UTP4: variants seen among roughly 807,000 people sequenced by gnomAD.
UTP4 encodes the protein U3 small nucleolar RNA-associated protein 4 homolog.
Under a neutral mutation model 82.4 loss-of-function variants are expected in UTP4, and 45 were observed. That is an observed-to-expected ratio of 0.55 (90% CI 0.43 to 0.70). The LOEUF (loss-of-function observed/expected upper bound fraction) is 0.70, where lower values mean the gene tolerates loss of function less well. Among genes scored for constraint, UTP4 ranks in the 30% least tolerant of loss-of-function variants. The pLI is 0.00. For missense variants in UTP4, 819 were observed against 858.3 expected (o/e 0.95, Z 0.57); for synonymous variants, 348 against 300.3 (o/e 1.16, Z -1.64).
intron 16 of UTP4, chr16:69,167,729 T>A (rs1963735524): frequency 6.3e-6 from 1 of 158,062 alleles, no homozygotes; most frequent in African/African-American, 2.4e-5. Flanking sequence ...GCTTGCCAGT[T>A]GTCAGTTGCC....
In UTP4 at chr16:69,167,121, C is replaced by A. The variant is rs780033276; in HGVS notation, c.1880C>A (p.Thr627Lys). 6.2e-7 allele frequency: 1 copy of A among 1,613,984 alleles called. No individual in the cohort carries two copies. Among genetic ancestry groups the A allele is most frequent in the Admixed American group, 1.7e-5 (1 of 60,002 alleles). Residue 627 changes from threonine (T) to lysine (K), a missense_variant, in exon 16 of 17, where the codon ACG becomes AAG. Transcript: ENST00000314423. ...TTACTCTACAATCCATTTCCTCCCACGAATGAATCAGATGTCATCCGGAGG... is the reference window on the plus strand; with the variant it reads ...TTACTCTACAATCCATTTCCTCCCAAGAATGAATCAGATGTCATCCGGAGG... ...KTLLYNPFPP[T>K]NESDVIRRRT...
At position 69,163,121 on chromosome 16, in the gene UTP4, T is replaced by C. The variant is rs753481308; in HGVS notation, c.1590T>C (p.Thr530=). The part of the protein sequence containing the change: ...CTVPAYNFPV[T]AMAIAPNTNN... ...TGCCTGCTTACAATTTCCCAGTGACTGCTATGGCTATTGCCCCCAATACCA... is the reference window on the plus strand; with the variant it reads ...TGCCTGCTTACAATTTCCCAGTGACCGCTATGGCTATTGCCCCCAATACCA... The change falls in exon 14 of 17, where the codon ACT becomes ACC. Residue 530 remains threonine, a synonymous_variant. Coordinates refer to ENST00000314423, the MANE Select transcript of UTP4 (RefSeq NM_032830.3). 5.6e-6 allele frequency: 9 copies of C among 1,614,188 alleles called. No individual in the cohort carries two copies. In the South Asian group the frequency reaches 9.9e-5, roughly 18 times the overall value.
Position 69,150,861 on chromosome 16 carries a change from T to G in UTP4, c.959T>G (p.Val320Gly). The change falls in exon 8 of 17, where the codon GTA becomes GGA. Residue 320 changes from valine to glycine, a missense_variant. By Grantham distance (109) the Val-to-Gly change is moderately radical. Coordinates refer to ENST00000314423, the MANE Select transcript of UTP4 (RefSeq NM_032830.3). The part of the protein sequence containing the change: ...VFRPLMEKVE[V>G]KNYDAALRKI... Reference sequence around the variant, plus strand: ...CGTCCTCTCATGGAGAAGGTGGAAGTAAAGAATTACGATGCCGCTCTCCGA... The same window carrying G: ...CGTCCTCTCATGGAGAAGGTGGAAGGAAAGAATTACGATGCCGCTCTCCGA... 1.2e-6 allele frequency: 2 copies of G among 1,614,048 alleles called. No homozygotes were observed. The highest frequency in any genetic ancestry group is 1.7e-6 in the Non-Finnish European group (2 of 1,180,010).
chr16:69,141,430 T>C (rs895965739), intron 5 of UTP4, among the ~76,000 whole-genome samples: 2 of 152,240 alleles, frequency 1.3e-5, no homozygotes, highest in South Asian at 4.1e-4. Context: ...CCTCGTATTA[T>C]TAGCAAGTAA....
At chr16:69,141,322 T>G (rs755935349) in intron 5 of UTP4, among the ~76,000 whole-genome samples, 3 of 152,236 alleles carry the variant, frequency 2.0e-5, no homozygotes, top group East Asian at 3.8e-4. Flanking sequence ...TGGTTTACCC[T>G]TTGGTGGATC....
intron 2 of UTP4, among the ~76,000 whole-genome samples, chr16:69,134,790 C>T (rs1962768617): frequency 6.7e-6 from 1 of 148,986 alleles, no homozygotes; most frequent in Non-Finnish European, 1.5e-5. Context: ...GCAACCTCTG[C>T]CTCCCTCTCC....
chr16:69,142,561 T>C (rs1012122872), intron 5 of UTP4, among the ~76,000 whole-genome samples: 4 of 152,146 alleles, frequency 2.6e-5, no homozygotes, highest in African/African-American at 9.7e-5. Flanking sequence ...TTCTAGAATA[T>C]CTGGGGTCCC....
At chr16:69,137,428 A>G (rs1962838838) in intron 3 of UTP4, among the ~76,000 whole-genome samples, 1 of 152,200 alleles carries the variant, frequency 6.6e-6, no homozygotes, top group Admixed American at 6.5e-5. Flanking sequence ...ACTAATTTGC[A>G]CGATATCTGA....
At chr16:69,136,997 C>T in intron 3 of UTP4, 110 bp downstream of exon 3, 1 of 923,360 alleles carries the variant, frequency 1.1e-6, no homozygotes. Context: ...TGTGGCAACC[C>T]CAACTATAAG....
Position 69,146,127 on chromosome 16 carries a change from C to T in UTP4, c.738+2738C>T, listed in dbSNP as rs915767156. ...AAAAAAAAGAAAAAAAAAGATATTC[C>T]AAACTTTAGTCTTTTTACCATTAGT... On this transcript the variant is annotated intron_variant, in intron 6 of 16. Coordinates refer to ENST00000314423, the MANE Select transcript of UTP4 (RefSeq NM_032830.3). 2.6e-5 allele frequency among the ~76,000 whole-genome samples: 4 copies of T among 151,722 alleles called. No individual in the cohort carries two copies. In the East Asian group the frequency reaches 7.7e-4, roughly 29 times the overall value.
In UTP4 at chr16:69,132,687, C is replaced by A; in HGVS notation, c.-5C>A. ...CACCGGGAAGGGGAGCGTGGGGCCG[C>A]TGGTGAGTTGGGGAAGGGGCGTGGG... is the stretch of plus-strand genomic sequence containing the variant. On this transcript the variant is annotated splice_region_variant and 5_prime_UTR_variant, in exon 1 of 17. It adds an upstream start codon to the 5' untranslated region. Transcript: ENST00000314423. 3.0e-6 allele frequency: 1 copy of A among 328,298 alleles called. No individual in the cohort carries two copies. Among genetic ancestry groups the A allele is most frequent in the Non-Finnish European group, 5.9e-6 (1 of 168,680 alleles). 20.3% of individuals were successfully genotyped at this position (328,298 alleles called of 1,614,324 possible). A position where few individuals can be genotyped will look rare whatever the true frequency, so the allele number is the denominator to read the frequency against.
intron 6 of UTP4, among the ~76,000 whole-genome samples, chr16:69,145,257 AC>A (rs1183704667): frequency 6.6e-6 from 1 of 151,940 alleles, no homozygotes; most frequent in African/African-American, 2.4e-5. Flanking sequence ...TGAGAAAACT[AC>A]CCTTTTTAAA....
chr16:69,150,803 G>A lies in UTP4; in HGVS notation c.911-10G>A. On this transcript the variant is annotated splice_polypyrimidine_tract_variant and intron_variant, in intron 7 of 16. Coordinates refer to ENST00000314423, the MANE Select transcript of UTP4 (RefSeq NM_032830.3). Reference sequence around the variant, plus strand: ...TCTAATTCTGTACACCTTCTCCCCTGCTTTCCCAGGCACTGACACCCACTT... The same window carrying A: ...TCTAATTCTGTACACCTTCTCCCCTACTTTCCCAGGCACTGACACCCACTT... The A allele has an allele frequency of 6.2e-7, 1 of 1,613,742 alleles. No individual in the cohort carries two copies. The highest frequency in any genetic ancestry group is 8.5e-7 in the Non-Finnish European group (1 of 1,179,658).
rs770493843 is a variant in UTP4 at position 69,168,947 on chromosome 16, CTGTCT to C, written c.*11_*15del. 3.6e-5 allele frequency: 54 copies of C among 1,494,682 alleles called. 1 individual carries two copies. The Middle Eastern group carries it at 3.8e-3, about 104-fold the overall frequency. 92.6% of individuals were successfully genotyped at this position (1,494,682 alleles called of 1,614,324 possible). A position where few individuals can be genotyped will look rare whatever the true frequency, so the allele number is the denominator to read the frequency against. ...GAAATTTGGAACCTAAAACAGGGCA[CTGTCT>C]GTGTCCTTCCTTGAACTGTCTACCC... On this transcript the variant is annotated 3_prime_UTR_variant, in exon 17 of 17. Coordinates refer to ENST00000314423, the MANE Select transcript of UTP4 (RefSeq NM_032830.3).
chr16:69,147,285 G>A (rs183861047), intron 6 of UTP4, among the ~76,000 whole-genome samples: 3 of 151,742 alleles, frequency 2.0e-5, no homozygotes, highest in African/African-American at 7.2e-5. Context: ...GGGTGGATTG[G>A]CTGAGCTCAG....
chr16:69,152,244 T>G (rs934242592), intron 8 of UTP4, among the ~76,000 whole-genome samples: 1 of 151,956 alleles, frequency 6.6e-6, no homozygotes, highest in South Asian at 2.1e-4. Flanking sequence ...TATTTGCATT[T>G]GTGTCATTCT....
At chr16:69,151,884 G>A (rs1012598187) in intron 8 of UTP4, among the ~76,000 whole-genome samples, 3 of 151,336 alleles carry the variant, frequency 2.0e-5, no homozygotes, top group East Asian at 1.9e-4. Context: ...GGCTTCCAGT[G>A]TTCTAGGTAA....
At chr16:69,147,135 C>T (rs1963137164) in intron 6 of UTP4, among the ~76,000 whole-genome samples, 1 of 148,494 alleles carries the variant, frequency 6.7e-6, no homozygotes, top group South Asian at 2.1e-4. Context: ...TGAGATCGTG[C>T]CATTGCACTC....
intron 2 of UTP4, among the ~76,000 whole-genome samples, chr16:69,134,694 TTC>T (rs1962762603): frequency 6.6e-6 from 1 of 151,268 alleles, no homozygotes; most frequent in Non-Finnish European, 1.5e-5. Context: ...TTCTTTTTTT[TTC>T]TTTTTCTTTT....
Sources: allele counts gnomAD v4.1 joint callset (sites outside exome capture counted in the v4.1 genomes callset), GRCh38; gene constraint gnomAD v4.1.1; transcripts MANE v1.5; gene names NCBI Gene and HGNC (gene_info 2026-07-23, HGNC 2026-07-21).